The following CDH12 variants were observed in gnomAD, a reference collection of about 807,000 sequenced individuals.
CDH12 encodes cadherin-12.
CDH12 carries 41 observed loss-of-function variants against 74.1 expected under a neutral mutation model. The observed-to-expected ratio is 0.55, with a 90% CI of 0.43 to 0.72. CDH12 has a LOEUF of 0.72. CDH12 is among the 30% of genes least tolerant of loss of function. The pLI is 0.00. For missense variants in CDH12, 945 were observed against 977.2 expected (o/e 0.97, Z 0.44); for synonymous variants, 399 against 355.0 (o/e 1.12, Z -1.39).
rs1752224436 is a variant in CDH12, at chr5:21,880,572, T to TTTCTTTCCTTCC, written c.527-25783_527-25782insGGAAGGAAAGAA. Among the ~76,000 whole-genome samples the TTTCTTTCCTTCC allele has an allele frequency of 1.2e-3, 16 of 12,946 alleles. 1 individual carries two copies. Among genetic ancestry groups the TTTCTTTCCTTCC allele is most frequent in the African/African-American group, 2.3e-3 (15 of 6,642 alleles). The allele number at this position is 12,946 out of a possible 152,430, so 8.5% of individuals were successfully genotyped here. A position where few individuals can be genotyped will look rare whatever the true frequency, so the allele number is the denominator to read the frequency against. ...CTTCCTTCCTTCCTTCCCTTCTTTC[T>TTTCTTTCCTTCC]TTCCTTCCTTCCTTCCTTCCTTCCT... On this transcript the variant is annotated intron_variant, in intron 6 of 14. Transcript: ENST00000382254.
chr5:22,560,236 G>A (rs562863564), intron 1 of CDH12, among the ~76,000 whole-genome samples: 21 of 152,164 alleles, frequency 1.4e-4, no homozygotes, highest in South Asian at 1.2e-3. Flanking sequence ...AAGCAATTTC[G>A]TAAGTTTTCA....
chr5:21,918,470 G>T (rs988066950), intron 6 of CDH12, among the ~76,000 whole-genome samples: 2 of 152,012 alleles, frequency 1.3e-5, no homozygotes, highest in Admixed American at 6.6e-5. Context: ...AAGGAAAAAG[G>T]TTTAATTGAC....
chr5:22,433,712 T>C (rs1014466687), intron 2 of CDH12, among the ~76,000 whole-genome samples: 3 of 152,150 alleles, frequency 2.0e-5, no homozygotes, highest in Non-Finnish European at 4.4e-5. Context: ...ATTAAATACT[T>C]TTTCTAAGAA....
chr5:21,755,442 C>A, intron 14 of CDH12, 149 bp downstream of exon 14: 2 of 636,872 alleles, frequency 3.1e-6, no homozygotes, highest in South Asian at 2.1e-5. Flanking sequence ...TAATTCAATA[C>A]ACATAGATTA....
At position 22,261,827 on chromosome 5, in the gene CDH12, A is replaced by G. The variant is rs546291712; in HGVS notation, c.-332-49184T>C. Among the ~76,000 whole-genome samples, 121 of 152,164 alleles carry G rather than the reference A, an allele frequency of 8.0e-4. 2 individuals are homozygous for G. Among genetic ancestry groups the G allele is most frequent in the African/African-American group, 2.7e-3 (113 of 41,546 alleles). On this transcript the variant is annotated intron_variant, in intron 3 of 14. Transcript: ENST00000382254. ...AAATACATGGCTTTTCTCCAAGAAA[A>G]TAACACTAACATATGTGAGCATATA...
In CDH12 at chr5:22,204,088, A is replaced by G. The variant is rs191338032; in HGVS notation, c.-187+8410T>C. 1.2e-3 allele frequency among the ~76,000 whole-genome samples: 185 copies of G among 152,332 alleles called. 2 individuals are homozygous for G. The East Asian group carries it at 0.034, about 28-fold the overall frequency. On this transcript the variant is annotated intron_variant, in intron 4 of 14. Coordinates refer to ENST00000382254, the MANE Select transcript of CDH12 (RefSeq NM_004061.5). ...TGCATCTGACAAGGGGTTAATATCC[A>G]GAATCTATAAGGAACTCAAACAACT...
In CDH12 at chr5:22,132,299, G is replaced by T. The variant is rs558151746; in HGVS notation, c.-186-53437C>A. 3.8e-4 allele frequency among the ~76,000 whole-genome samples: 58 copies of T among 152,056 alleles called. 1 individual carries two copies. The highest frequency in any genetic ancestry group is 1.2e-3 in the African/African-American group (50 of 41,514). ...GGAAAAAAATAAAATGTTCTGAAGTGATTGAGAGCACAGAGAGTTTCGAAT... is the reference window on the plus strand; with the variant it reads ...GGAAAAAAATAAAATGTTCTGAAGTTATTGAGAGCACAGAGAGTTTCGAAT... On this transcript the variant is annotated intron_variant, in intron 4 of 14. Coordinates refer to ENST00000382254, the MANE Select transcript of CDH12 (RefSeq NM_004061.5).
At chr5:22,662,325 A>G (rs1453037201) in intron 1 of CDH12, among the ~76,000 whole-genome samples, 1 of 152,168 alleles carries the variant, frequency 6.6e-6, no homozygotes, top group African/African-American at 2.4e-5. Context: ...TTTAATTGAG[A>G]AAAGATAAAT....
chr5:21,841,536 C>T lies in CDH12; in HGVS notation c.814+625G>A, dbSNP rs1327269212. 7.4e-5 allele frequency among the ~76,000 whole-genome samples: 11 copies of T among 148,666 alleles called. 1 individual carries two copies. The East Asian group carries it at 2.2e-3, about 30-fold the overall frequency. ...TATACCCAAAGGACTATAAATCATG[C>T]TGCTATAAAGACACATGCACACGTA... On this transcript the variant is annotated intron_variant, in intron 8 of 14. Transcript: ENST00000382254.
At chr5:22,571,717 C>T (rs949020583) in intron 1 of CDH12, among the ~76,000 whole-genome samples, 2 of 152,098 alleles carry the variant, frequency 1.3e-5, no homozygotes, top group African/African-American at 4.8e-5. Context: ...ATTAACTGAC[C>T]TAATGTCAAT....
intron 6 of CDH12, among the ~76,000 whole-genome samples, chr5:21,949,978 C>A (rs1166303810): frequency 6.6e-6 from 1 of 152,156 alleles, no homozygotes; most frequent in African/African-American, 2.4e-5. Context: ...GCTCACTCAC[C>A]ACTTACTCAC....
chr5:22,233,921 G>A (rs1432507645), intron 3 of CDH12, among the ~76,000 whole-genome samples: 3 of 152,110 alleles, frequency 2.0e-5, no homozygotes, highest in Non-Finnish European at 4.4e-5. Flanking sequence ...AATGATCAAT[G>A]CATAGTCCCA....
At chr5:22,171,209 T>C (rs1436562431) in intron 4 of CDH12, among the ~76,000 whole-genome samples, 2 of 151,904 alleles carry the variant, frequency 1.3e-5, no homozygotes. Flanking sequence ...TGCAGATGAC[T>C]GGCTTTGCAT....
chr5:22,605,956 G>C (rs923945102), intron 1 of CDH12, among the ~76,000 whole-genome samples: 1 of 152,196 alleles, frequency 6.6e-6, no homozygotes, highest in Non-Finnish European at 1.5e-5. Context: ...TCTCTGTTGG[G>C]GTGGCCATGG....
intron 3 of CDH12, among the ~76,000 whole-genome samples, chr5:22,333,167 G>A (rs1739420389): frequency 6.6e-6 from 1 of 152,136 alleles, no homozygotes; most frequent in Non-Finnish European, 1.5e-5. Flanking sequence ...TCCTTTGCAG[G>A]GACATGGATA....
intron 6 of CDH12, 88 bp from the exon 7 acceptor site, chr5:21,854,878 G>A: frequency 7.9e-7 from 1 of 1,268,146 alleles, no homozygotes; most frequent in Non-Finnish European, 1.1e-6. Context: ...ATTTTCCTTT[G>A]GTATTTGACC....
chr5:22,822,673 C>T (rs1749770793), intron 1 of CDH12, among the ~76,000 whole-genome samples: 1 of 152,150 alleles, frequency 6.6e-6, no homozygotes, highest in African/African-American at 2.4e-5. Flanking sequence ...TAAATCAAAA[C>T]CACAATGAGA....
intron 3 of CDH12, among the ~76,000 whole-genome samples, chr5:22,217,314 A>G (rs150580913): frequency 4.1e-4 from 63 of 151,936 alleles, no homozygotes; most frequent in African/African-American, 1.4e-3. Context: ...TATTGTCCTG[A>G]TCAGTAAAAT....
At chr5:22,253,185 T>C (rs1211916742) in intron 3 of CDH12, among the ~76,000 whole-genome samples, 1 of 151,384 alleles carries the variant, frequency 6.6e-6, no homozygotes, top group African/African-American at 2.4e-5. Flanking sequence ...GAATATTTCA[T>C]TTTTGTATTT....
Sources: gnomAD v4.1 joint callset for allele counts (sites outside exome capture counted in the v4.1 genomes callset) on GRCh38, gnomAD v4.1.1 for gene constraint, MANE v1.5 for transcripts, NCBI Gene and HGNC (gene_info 2026-07-23, HGNC 2026-07-21) for gene names.